CRADD: variants seen among roughly 807,000 people sequenced by gnomAD.
The protein encoded by CRADD is death domain-containing protein CRADD.
Under a neutral mutation model 15.5 loss-of-function variants are expected in CRADD, and 9 were observed. That is an observed-to-expected ratio of 0.58 (90% CI 0.35 to 1.01). The LOEUF is 1.01. Among genes scored for constraint, CRADD ranks in the 50% least tolerant of loss-of-function variants. The pLI, the probability that CRADD is intolerant of heterozygous loss-of-function variation, is 0.02. For synonymous variants in CRADD, 118 were observed against 107.6 expected (o/e 1.10, Z -0.60); for missense variants, 227 against 250.3 (o/e 0.91, Z 0.63).
intron 2 of CRADD, among the ~76,000 whole-genome samples, chr12:93,885,436 G>GCCCC (rs138828699): frequency 5.3e-5 from 8 of 151,400 alleles, no homozygotes; most frequent in African/African-American, 1.5e-4. Flanking sequence ...AGGTCCTCGT[G>GCCCC]CCCCCGCCAC....
At chr12:93,892,970 A>G (rs1592644155) in intron 2 of CRADD, among the ~76,000 whole-genome samples, 2 of 152,310 alleles carry the variant, frequency 1.3e-5, no homozygotes, top group African/African-American at 2.4e-5. Flanking sequence ...TTCCGAAAGA[A>G]CACAGGCTGT....
At chr12:93,852,806 A>G (rs1228417201), downstream of CRADD, among the ~76,000 whole-genome samples, 3 of 151,220 alleles carry the variant, frequency 2.0e-5, no homozygotes, top group Non-Finnish European at 4.4e-5. Flanking sequence ...ATATGAATAT[A>G]TAGTCTTGCA....
At chr12:93,684,818 C>A (rs977372264) in intron 2 of CRADD, among the ~76,000 whole-genome samples, 7 of 152,050 alleles carry the variant, frequency 4.6e-5, no homozygotes, top group Non-Finnish European at 8.8e-5. Context: ...TAGAGGGGAC[C>A]ACAAATACAC....
chr12:93,849,995 G>C lies in CRADD; in HGVS notation c.324G>C (p.Ser108=), dbSNP rs140349832. 5.0e-6 allele frequency: 8 copies of C among 1,609,416 alleles called. No homozygotes were observed. Among genetic ancestry groups the C allele is most frequent in the Non-Finnish European group, 6.8e-6 (8 of 1,175,790 alleles). ...GTGACAGATTGACTGGGATCCCCTC[G>C]CACATCCTCAACAGCTCCCCATCAG... ...PAGDRLTGIP[S]HILNSSPSDR... The change falls in exon 3 of 3, where the codon TCG becomes TCC. Residue 108 remains serine, a synonymous_variant. Coordinates refer to ENST00000332896, the MANE Select transcript of CRADD (RefSeq NM_003805.5).
At chr12:93,734,177 A>G (rs949245983) in intron 2 of CRADD, among the ~76,000 whole-genome samples, 1 of 151,758 alleles carries the variant, frequency 6.6e-6, no homozygotes, top group African/African-American at 2.4e-5. Context: ...CCATCCGTCC[A>G]TCCATCCATC....
At chr12:93,694,407 G>A (rs562188166) in intron 2 of CRADD, among the ~76,000 whole-genome samples, 2 of 152,052 alleles carry the variant, frequency 1.3e-5, no homozygotes, top group African/African-American at 4.8e-5. Flanking sequence ...TTAAGATCAG[G>A]AACAAGAGAA....
At chr12:93,792,040 A>C (rs1262728496) in intron 2 of CRADD, among the ~76,000 whole-genome samples, 1 of 152,138 alleles carries the variant, frequency 6.6e-6, no homozygotes, top group Non-Finnish European at 1.5e-5. Context: ...AACTTTAAGA[A>C]TAGGAATACT....
chr12:93,741,919 T>TGG (rs1423490950), intron 2 of CRADD, among the ~76,000 whole-genome samples: 9 of 152,132 alleles, frequency 5.9e-5, no homozygotes, highest in Non-Finnish European at 8.8e-5. Context: ...TCTGAACCCT[T>TGG]AGTGCTCATT....
chr12:93,753,680 C>T lies in CRADD; in HGVS notation c.298+74608C>T, dbSNP rs184338932. 2.3e-3 allele frequency among the ~76,000 whole-genome samples: 346 copies of T among 152,346 alleles called. 1 individual carries two copies. The highest frequency in any genetic ancestry group is 7.9e-3 in the African/African-American group (327 of 41,574). Reference sequence around the variant, plus strand: ...AGGGCAGTAATTAAATCTTAAAGCTCTGAAATAATCTCCTTTGACTCCATG... The same window carrying T: ...AGGGCAGTAATTAAATCTTAAAGCTTTGAAATAATCTCCTTTGACTCCATG... On this transcript the variant is annotated intron_variant, in intron 2 of 2. Coordinates refer to ENST00000332896, the MANE Select transcript of CRADD (RefSeq NM_003805.5).
intron 2 of CRADD, among the ~76,000 whole-genome samples, chr12:93,740,820 A>G (rs1283428229): frequency 6.6e-6 from 1 of 152,204 alleles, no homozygotes; most frequent in Non-Finnish European, 1.5e-5. Flanking sequence ...CAGGATAAAA[A>G]GAAGTATGTA....
At chr12:93,710,994 G>A (rs1233596408) in intron 2 of CRADD, among the ~76,000 whole-genome samples, 2 of 149,646 alleles carry the variant, frequency 1.3e-5, no homozygotes, top group Admixed American at 6.7e-5. Context: ...GCTTTATTGA[G>A]CCACAGCTGA....
At chr12:93,697,283 A>C (rs1955731635) in intron 2 of CRADD, among the ~76,000 whole-genome samples, 1 of 152,166 alleles carries the variant, frequency 6.6e-6, no homozygotes, top group African/African-American at 2.4e-5. Flanking sequence ...TGCCTGACTA[A>C]AGGGCTGGAG....
At chr12:93,784,031 G>C (rs184409666) in intron 2 of CRADD, among the ~76,000 whole-genome samples, 124 of 152,170 alleles carry the variant, frequency 8.1e-4, no homozygotes, top group African/African-American at 2.9e-3. Flanking sequence ...GGGTGCACGG[G>C]GTTCACATCC....
chr12:93,834,739 C>T lies in CRADD; in HGVS notation c.299-15231C>T, dbSNP rs540921661. Among the ~76,000 whole-genome samples, 116 of 152,304 alleles carry T rather than the reference C, an allele frequency of 7.6e-4. 1 individual carries two copies. Among genetic ancestry groups the T allele is most frequent in the Middle Eastern group, 6.8e-3 (2 of 292 alleles). On this transcript the variant is annotated intron_variant, in intron 2 of 2. Transcript: ENST00000332896. The stretch of plus-strand genomic sequence containing the variant: ...CCCACCTCAGGTGATCCACCTGCCT[C>T]GGCCTCCCAAAGTGCTGGGATTACA...
At chr12:93,892,791 G>A (rs751843614) in intron 2 of CRADD, among the ~76,000 whole-genome samples, 8 of 152,156 alleles carry the variant, frequency 5.3e-5, no homozygotes, top group South Asian at 2.1e-4. Flanking sequence ...CTGCTCTCCC[G>A]TGCTCCCCCT....
chr12:93,732,369 C>G (rs2136913624), intron 2 of CRADD, among the ~76,000 whole-genome samples: 1 of 152,196 alleles, frequency 6.6e-6, no homozygotes, highest in Middle Eastern at 3.4e-3. Flanking sequence ...TTTTAAATTA[C>G]TTACCAAATG....
rs79077298 is a variant in CRADD at position 93,777,175 on chromosome 12, G to C, written c.299-72795G>C. ...GTGCCATAGCCAGCGAGCCAGGCAA[G>C]GTGGGGGAAGGTGTTCTGCCAGGCT... On this transcript the variant is annotated intron_variant, in intron 2 of 2. Coordinates refer to ENST00000332896, the MANE Select transcript of CRADD (RefSeq NM_003805.5). Among the ~76,000 whole-genome samples, 1,369 of 152,326 alleles carry C rather than the reference G, an allele frequency of 9.0e-3. 19 individuals are homozygous for C. The highest frequency in any genetic ancestry group is 0.03 in the African/African-American group (1,259 of 41,572).
intron 2 of CRADD, among the ~76,000 whole-genome samples, chr12:93,765,000 C>G (rs1222412910): frequency 6.7e-6 from 1 of 149,852 alleles, no homozygotes; most frequent in Non-Finnish European, 1.5e-5. Context: ...AATTCAGAAA[C>G]TCTGAATTTT....
At chr12:93,783,003 T>C (rs947828061) in intron 2 of CRADD, among the ~76,000 whole-genome samples, 1 of 152,130 alleles carries the variant, frequency 6.6e-6, no homozygotes, top group African/African-American at 2.4e-5. Flanking sequence ...AAAATTCACA[T>C]AATAAAAACA....
Sources: gnomAD v4.1 joint callset for allele counts (sites outside exome capture counted in the v4.1 genomes callset) on GRCh38, gnomAD v4.1.1 for gene constraint, MANE v1.5 for transcripts, NCBI Gene and HGNC (gene_info 2026-07-23, HGNC 2026-07-21) for gene names.